The following GAD1 variants were observed in gnomAD, a reference collection of about 807,000 sequenced individuals.
The protein encoded by GAD1 is glutamate decarboxylase 1, also known as 67 kDa glutamic acid decarboxylase.
GAD1 carries 35 observed loss-of-function variants against 75.2 expected under a neutral mutation model. The observed-to-expected ratio is 0.47, with a 90% confidence interval of 0.36 to 0.62. The LOEUF (loss-of-function observed/expected upper bound fraction) is 0.62. GAD1 is among the 20% of genes least tolerant of loss of function. The pLI, the probability that GAD1 is intolerant of heterozygous loss-of-function variation, is 0.00. For synonymous variants in GAD1, 257 were observed against 271.9 expected (o/e 0.95, Z 0.54); for missense variants, 490 against 758.5 (o/e 0.65, Z 4.16).
intron 5 of GAD1, among the ~76,000 whole-genome samples, chr2:170,834,868 C>G (rs1353026970): frequency 2.0e-5 from 3 of 150,478 alleles, no homozygotes; most frequent in Non-Finnish European, 4.4e-5. Flanking sequence ...CTCTTGGGTT[C>G]AAGCGATTCC....
Position 170,818,479 on chromosome 2 carries a change from G to T in GAD1, c.-63-50G>T. The T allele has an allele frequency of 1.0e-6, 1 of 970,980 alleles. No homozygotes were observed. 60.1% of individuals were successfully genotyped at this position (970,980 alleles called of 1,614,324 possible). A position where few individuals can be genotyped will look rare whatever the true frequency, so the allele number is the denominator to read the frequency against. On this transcript the variant is annotated intron_variant, in intron 1 of 16. Transcript: ENST00000358196. The surrounding 1 kb of genome is among the most constrained non-coding windows in gnomAD (Gnocchi z 5.9). ...CCCCCGGCTGCTCAGTCCCTCCGGT[G>T]TGCAGGACCCCGGAAGTCCTCCCCG...
intron 4 of GAD1, 61 bp downstream of exon 4, chr2:170,829,694 A>G (rs750661584): frequency 1.3e-6 from 2 of 1,558,984 alleles, no homozygotes; most frequent in South Asian, 2.3e-5. Flanking sequence ...GAGTTTCTTG[A>G]CTTTTTCCTG....
Position 170,829,742 on chromosome 2 carries a change from C to T in GAD1, c.304+109C>T. 1.0e-5 allele frequency: 13 copies of T among 1,258,038 alleles called. No individual in the cohort carries two copies. In the South Asian group the frequency reaches 1.6e-4, roughly 15 times the overall value. 77.9% of individuals were successfully genotyped at this position (1,258,038 alleles called of 1,614,324 possible). On this transcript the variant is annotated intron_variant, in intron 4 of 16. Transcript: ENST00000358196. Reference sequence around the variant, plus strand: ...TTTTATCAAGAAATGTCATTATTCTCTCTGAACCCACATGAAACTGCTTTT... The same window carrying T: ...TTTTATCAAGAAATGTCATTATTCTTTCTGAACCCACATGAAACTGCTTTT...
chr2:170,833,368 C>T (rs1490689369), intron 5 of GAD1, among the ~76,000 whole-genome samples: 1 of 152,222 alleles, frequency 6.6e-6, no homozygotes, highest in Non-Finnish European at 1.5e-5. Context: ...GTTATATGTA[C>T]AAAATTTATG....
chr2:170,838,275 G>A (rs545754949), intron 6 of GAD1, among the ~76,000 whole-genome samples: 2 of 152,308 alleles, frequency 1.3e-5, no homozygotes, highest in South Asian at 4.1e-4. Context: ...AGGAATACAG[G>A]TCAAAGATAC....
rs1702614320 is a variant in GAD1, at chr2:170,845,624, G to A, written c.867+3G>A. 1.9e-6 allele frequency: 3 copies of A among 1,613,828 alleles called. No individual in the cohort carries two copies. Among genetic ancestry groups the A allele is most frequent in the Non-Finnish European group, 2.5e-6 (3 of 1,179,696 alleles). On this transcript the variant is annotated splice_donor_region_variant and intron_variant, in intron 8 of 16. Transcript: ENST00000358196. ...TGGTCCTCTTCACCTCAGAACAGGT[G>A]AGTCGGGGATGCTTTCTCATGGATA...
intron 5 of GAD1, among the ~76,000 whole-genome samples, chr2:170,836,119 T>C (rs1267812134): frequency 6.6e-6 from 1 of 151,944 alleles, no homozygotes; most frequent in Admixed American, 6.6e-5. Context: ...TTCTTTTTTT[T>C]TTTTTCAGAA....
chr2:170,823,894 T>TG (rs1701959891), intron 3 of GAD1, among the ~76,000 whole-genome samples: 1 of 152,180 alleles, frequency 6.6e-6, no homozygotes, highest in Admixed American at 6.5e-5. Flanking sequence ...ACCCCCATCC[T>TG]GCCCCCTGCT....
At chr2:170,840,799 C>A (rs1018387285) in intron 6 of GAD1, among the ~76,000 whole-genome samples, 1 of 151,952 alleles carries the variant, frequency 6.6e-6, no homozygotes, top group Non-Finnish European at 1.5e-5. Flanking sequence ...CAAGACCACA[C>A]CAAAAAAGGG....
At position 170,836,818 on chromosome 2, in the gene GAD1, C is replaced by T. The variant is rs960238572; in HGVS notation, c.573C>T (p.Leu191=). ...RTGHPRFFNQ[L]STGLDIIGLA... Reference sequence around the variant, plus strand: ...GTCATCCTCGATTTTTCAACCAGCTCTCCACTGGATTGGATATTATTGGCC... The same window carrying T: ...GTCATCCTCGATTTTTCAACCAGCTTTCCACTGGATTGGATATTATTGGCC... Residue 191 remains leucine (L), a synonymous_variant, in exon 6 of 17, where the codon CTC becomes CTT. Transcript: ENST00000358196. 1 of 1,613,828 alleles carries T rather than the reference C, an allele frequency of 6.2e-7. No homozygotes were observed. Among genetic ancestry groups the T allele is most frequent in the Non-Finnish European group, 8.5e-7 (1 of 1,179,836 alleles).
chr2:170,857,232 A>G (rs1379968664), intron 15 of GAD1, 107 bp downstream of exon 15: 1 of 812,030 alleles, frequency 1.2e-6, no homozygotes, highest in Non-Finnish European at 2.1e-6. Context: ...GTTGCCAGAA[A>G]CTGCTTCAAA....
chr2:170,848,788 C>G (rs1702690766), intron 11 of GAD1: 1 of 519,022 alleles, frequency 1.9e-6, no homozygotes, highest in Non-Finnish European at 3.8e-6. Context: ...AGTAAACATG[C>G]ATCATGGTAC....
chr2:170,833,849 A>G (rs2105783442), intron 5 of GAD1, among the ~76,000 whole-genome samples: 1 of 152,204 alleles, frequency 6.6e-6, no homozygotes, highest in Non-Finnish European at 1.5e-5. Context: ...AAAATACAAA[A>G]ATTAGCTGAG....
At chr2:170,825,303 C>T (rs1292060396) in intron 3 of GAD1, among the ~76,000 whole-genome samples, 1 of 152,072 alleles carries the variant, frequency 6.6e-6, no homozygotes, top group African/African-American at 2.4e-5. Context: ...GCAGGAGGAT[C>T]GCTTGAGCCC....
At chr2:170,823,999 C>T (rs1029096325) in intron 3 of GAD1, among the ~76,000 whole-genome samples, 1 of 152,146 alleles carries the variant, frequency 6.6e-6, no homozygotes, top group African/African-American at 2.4e-5. Context: ...TTCAGAAAGG[C>T]TAAAGAGGCG....
intron 3 of GAD1, 75 bp downstream of exon 3, chr2:170,822,224 G>A (rs906955523): frequency 8.2e-7 from 1 of 1,217,818 alleles, no homozygotes; most frequent in Non-Finnish European, 1.2e-6. Flanking sequence ...AGACTGGGAC[G>A]CAAGCGGAGG....
At chr2:170,828,940 C>A (rs1286902717) in intron 3 of GAD1, 1 of 219,648 alleles carries the variant, frequency 4.6e-6, no homozygotes, top group Admixed American at 5.4e-5. Flanking sequence ...CATCTCTCTG[C>A]TGTCCTCACC....
chr2:170,813,403 G>A (rs1256978643), upstream of GAD1: 2 of 152,150 alleles, frequency 1.3e-5, no homozygotes, highest in African/African-American at 4.8e-5. Flanking sequence ...TTCTCGTCTC[G>A]GGAGACAGAC....
intron 11 of GAD1, among the ~76,000 whole-genome samples, chr2:170,848,116 T>C (rs902833509): frequency 1.3e-5 from 2 of 152,058 alleles, no homozygotes; most frequent in African/African-American, 4.8e-5. Context: ...AGGGAAAAAA[T>C]AGAAGACACA....
Sources: gnomAD v4.1 joint callset for allele counts (sites outside exome capture counted in the v4.1 genomes callset) on GRCh38, gnomAD v4.1.1 for gene constraint, Gnocchi (gnomAD v3.1) non-coding constraint, MANE v1.5 for transcripts, NCBI Gene and HGNC (gene_info 2026-07-23, HGNC 2026-07-21) for gene names.